SIGLEC8: variants seen among roughly 807,000 people sequenced by gnomAD.
SIGLEC8 encodes the protein sialic acid-binding Ig-like lectin 8.
SIGLEC8 carries 32 observed loss-of-function variants against 42.1 expected under a neutral mutation model. The ratio of observed to expected loss-of-function variants is 0.76; its 90% CI spans 0.57 to 1.02. The LOEUF (loss-of-function observed/expected upper bound fraction) is 1.02, where lower values mean the gene tolerates loss of function less well. Ranked by LOEUF, SIGLEC8 falls within the 50% of genes least tolerant of loss-of-function variation. The pLI is 0.00. For synonymous variants in SIGLEC8, 262 were observed against 260.3 expected, an observed-to-expected ratio of 1.01 and a Z score of -0.06; for missense variants, 611 against 610.2, an observed-to-expected ratio of 1.00 and a Z score of -0.01.
chr19:51,455,427 C>T lies in SIGLEC8; in HGVS notation c.1042G>A (p.Glu348Lys), dbSNP rs763790688. 1.2e-6 allele frequency: 2 copies of T among 1,613,764 alleles called. No homozygotes were observed. Among genetic ancestry groups the T allele is most frequent in the African/African-American group, 2.7e-5 (2 of 74,920 alleles). The change falls in exon 4 of 7, where the codon GAG becomes AAG. Residue 348 changes from glutamate to lysine, a missense_variant. Physicochemically the swap from Glu to Lys is moderately conservative, Grantham distance 56 (BLOSUM62 1). Coordinates refer to ENST00000321424, the MANE Select transcript of SIGLEC8 (RefSeq NM_014442.3). ...CCCCTCCCTTACCCACCTGTGCCCT[C>T]ATTCTGCAGGGAGAGGCTCAGGGAA... is the stretch of plus-strand genomic sequence containing the variant. ...HISLSLSLQN[E>K]GTGTSRPVSQ...
At chr19:51,456,061 A>C (rs1481775530) in intron 3 of SIGLEC8, among the ~76,000 whole-genome samples, 2 of 122,510 alleles carry the variant, frequency 1.6e-5, no homozygotes, top group Non-Finnish European at 3.3e-5. Flanking sequence ...AACATCACAC[A>C]CCGGGGACTG....
At position 51,458,085 on chromosome 19, in the gene SIGLEC8, G is replaced by A. The variant is rs999599851; in HGVS notation, c.303C>T (p.Asp101=). The change falls in exon 1 of 7, where the codon GAC becomes GAT. Residue 101 remains aspartate (D), a synonymous_variant. Transcript: ENST00000321424. ...TCAGGGAGCAGTCGTTGCTCCAAAT[G>A]TCCCCAAGGAGTTGGAATCGGCCCT... The part of the protein sequence containing the change: ...ETQGRFQLLG[D]IWSNDCSLSI... 3 of 1,614,140 alleles carry A rather than the reference G, an allele frequency of 1.9e-6. No individual in the cohort carries two copies. The highest frequency in any genetic ancestry group is 2.5e-6 in the Non-Finnish European group (3 of 1,180,016).
rs777902631 is a variant in SIGLEC8, at chr19:51,454,819, C to T, written c.1052-39G>A. 39 of 1,491,382 alleles carry T rather than the reference C, an allele frequency of 2.6e-5. No homozygotes were observed. Among genetic ancestry groups the T allele is most frequent in the South Asian group, 1.1e-4 (10 of 88,692 alleles). 92.4% of individuals were successfully genotyped at this position (1,491,382 alleles called of 1,614,324 possible). A position where few individuals can be genotyped will look rare whatever the true frequency, so the allele number is the denominator to read the frequency against. ...GGAGTTGCTTTGGGGATTTATATCACGGAGAAGTGGGTCTCTTCCCCTCCC... is the reference window on the plus strand; with the variant it reads ...GGAGTTGCTTTGGGGATTTATATCATGGAGAAGTGGGTCTCTTCCCCTCCC... On this transcript the variant is annotated intron_variant, in intron 4 of 6. Transcript: ENST00000321424. The surrounding 1 kb of genome is among the most constrained non-coding windows in gnomAD (Gnocchi z 4.7).
rs1481646465 is a variant in SIGLEC8, at chr19:51,458,134, T to C, written c.254A>G (p.Asp85Gly). 1.2e-6 allele frequency: 2 copies of C among 1,614,148 alleles called. No individual in the cohort carries two copies. The highest frequency in any genetic ancestry group is 2.7e-5 in the African/African-American group (2 of 75,016). The change falls in exon 1 of 7, where the codon GAC becomes GGC. Residue 85 changes from aspartate (D) to glycine (G), a missense_variant. By Grantham distance (94) the Asp-to-Gly change is moderately conservative. Coordinates refer to ENST00000321424, the MANE Select transcript of SIGLEC8 (RefSeq NM_014442.3). Reference sequence around the variant, plus strand: ...CTGGGTCTCTGCCTGCACTTCTCTGTCTGGGTTGTTTGTGGCCACTGGAGC... The same window carrying C: ...CTGGGTCTCTGCCTGCACTTCTCTGCCTGGGTTGTTTGTGGCCACTGGAGC... ...QDAPVATNNPDREVQAETQGR... is the reference protein window; with the variant it reads ...QDAPVATNNPGREVQAETQGR...
In SIGLEC8 at chr19:51,458,335, T is replaced by C. The variant is rs1342398748; in HGVS notation, c.53A>G (p.Glu18Gly). ...LPLLWGTKGM[E>G]GDRQYGDGYL... ...ACCATCCCCATATTGTCTGTCTCCC[T>C]CCATCCCCTTTGTCCCCCAGAGCAG... Residue 18 changes from glutamate to glycine, a missense_variant, in exon 1 of 7, where the codon GAG (glutamate) becomes GGG (glycine). Glu to Gly is a moderately conservative substitution (Grantham distance 98). Transcript: ENST00000321424. 2 of 1,614,000 alleles carry C rather than the reference T, an allele frequency of 1.2e-6. No individual in the cohort carries two copies. The highest frequency in any genetic ancestry group is 3.3e-5 in the Admixed American group (2 of 60,022).
chr19:51,458,079 C>A lies in SIGLEC8; in HGVS notation c.309G>T (p.Trp103Cys), dbSNP rs1217862167. The change falls in exon 1 of 7, where the codon TGG becomes TGT. Residue 103 changes from tryptophan (W) to cysteine (C), a missense_variant. Trp to Cys is a radical substitution (Grantham distance 215). Coordinates refer to ENST00000321424, the MANE Select transcript of SIGLEC8 (RefSeq NM_014442.3). ...TGATGCTCAGGGAGCAGTCGTTGCTCCAAATGTCCCCAAGGAGTTGGAATC... is the reference window on the plus strand; with the variant it reads ...TGATGCTCAGGGAGCAGTCGTTGCTACAAATGTCCCCAAGGAGTTGGAATC... ...QGRFQLLGDI[W>C]SNDCSLSIRD... is the part of the protein sequence containing the mutation. 1.2e-6 allele frequency: 2 copies of A among 1,614,184 alleles called. No individual in the cohort carries two copies. The highest frequency in any genetic ancestry group is 2.7e-5 in the African/African-American group (2 of 75,040).
rs1159938186 is a variant in SIGLEC8 at position 51,454,589 on chromosome 19, A to ACCCATCCAGGTCCTTCCAGCTCTGGC, written c.1148+69_1148+94dup. The ACCCATCCAGGTCCTTCCAGCTCTGGC allele has an allele frequency of 3.4e-6, 4 of 1,182,160 alleles. No homozygotes were observed. The highest frequency in any genetic ancestry group is 5.0e-6 in the Non-Finnish European group (4 of 797,088). The allele number at this position is 1,182,160 out of a possible 1,614,324, so 73.2% of individuals were successfully genotyped here. ...AGCTCATTCTTGCCCCAAGCCCTGG[A>ACCCATCCAGGTCCTTCCAGCTCTGGC]CCCATCCAGGTCCTTCCAGCTCTGG... On this transcript the variant is annotated intron_variant, in intron 5 of 6. Transcript: ENST00000321424. The surrounding 1 kb of genome is among the most constrained non-coding windows in gnomAD (Gnocchi z 4.7).
At chr19:51,456,731 G>A (rs1024756200) in intron 3 of SIGLEC8, among the ~76,000 whole-genome samples, 1 of 152,216 alleles carries the variant, frequency 6.6e-6, no homozygotes, top group Non-Finnish European at 1.5e-5. Context: ...GATGGGCACT[G>A]GAGGACAGAC....
chr19:51,456,545 T>C (rs1034303287), intron 3 of SIGLEC8, among the ~76,000 whole-genome samples: 1 of 152,214 alleles, frequency 6.6e-6, no homozygotes, highest in Non-Finnish European at 1.5e-5. Context: ...TGTGCCATGA[T>C]TTTCCTTAAG....
In SIGLEC8 at chr19:51,451,736, A is replaced by G. The variant is rs1284023505; in HGVS notation, c.*643T>C. 1 of 152,242 alleles carries G rather than the reference A, an allele frequency of 6.6e-6. No homozygotes were observed. The highest frequency in any genetic ancestry group is 2.4e-5 in the African/African-American group (1 of 41,464). 9.4% of individuals were successfully genotyped at this position (152,242 alleles called of 1,614,324 possible). The stretch of plus-strand genomic sequence containing the variant: ...TTTATCTGTTTTTGTGAGACCATTT[A>G]AAATCTTCTTTTAGCTCCTTGAAAA... On this transcript the variant is annotated 3_prime_UTR_variant, in exon 7 of 7. Coordinates refer to ENST00000321424, the MANE Select transcript of SIGLEC8 (RefSeq NM_014442.3).
At position 51,458,142 on chromosome 19, in the gene SIGLEC8, G is replaced by C. The variant is rs1173483072; in HGVS notation, c.246C>G (p.Asn82Lys). Residue 82 changes from asparagine to lysine, a missense_variant, in exon 1 of 7, where the codon AAC becomes AAG. Physicochemically the swap from Asn to Lys is moderately conservative, Grantham distance 94. Coordinates refer to ENST00000321424, the MANE Select transcript of SIGLEC8 (RefSeq NM_014442.3). Reference protein sequence around the residue: ...RPYQDAPVATNNPDREVQAET... With the variant: ...RPYQDAPVATKNPDREVQAET... Reference sequence around the variant, plus strand: ...CTGCCTGCACTTCTCTGTCTGGGTTGTTTGTGGCCACTGGAGCGTCTTGGT... The same window carrying C: ...CTGCCTGCACTTCTCTGTCTGGGTTCTTTGTGGCCACTGGAGCGTCTTGGT... 6.2e-7 allele frequency: 1 copy of C among 1,614,166 alleles called. No homozygotes were observed. The highest frequency in any genetic ancestry group is 2.2e-5 in the East Asian group (1 of 44,876).
chr19:51,452,458 T>C lies in SIGLEC8; in HGVS notation c.1421A>G (p.Lys474Arg), dbSNP rs1989387182. Residue 474 changes from lysine to arginine, a missense_variant, in exon 7 of 7, where the codon AAG becomes AGG. Lys to Arg is a conservative substitution (Grantham distance 26). Transcript: ENST00000321424. The stretch of plus-strand genomic sequence containing the variant: ...CTCTGCAGTTTCTCGCTTGTGGATC[T>C]TGATCTCCGAGTATTCACTGTCAGT... Reference protein sequence around the residue: ...EATDSEYSEIKIHKRETAETQ... With the variant: ...EATDSEYSEIRIHKRETAETQ... 1.2e-6 allele frequency: 2 copies of C among 1,612,952 alleles called. No homozygotes were observed. The highest frequency in any genetic ancestry group is 1.7e-6 in the Non-Finnish European group (2 of 1,178,994).
rs1038973433 is a variant in SIGLEC8, at chr19:51,452,139, A to G, written c.*240T>C. ...ACCTAGGGGATATTTTTTTGTGTAA[A>G]ATGAGCCACACACAGAGAGGCAAGT... is the stretch of plus-strand genomic sequence containing the variant. On this transcript the variant is annotated 3_prime_UTR_variant, in exon 7 of 7. Coordinates refer to ENST00000321424, the MANE Select transcript of SIGLEC8 (RefSeq NM_014442.3). 5.2e-6 allele frequency: 2 copies of G among 384,370 alleles called. No homozygotes were observed. The highest frequency in any genetic ancestry group is 4.1e-5 in the African/African-American group (2 of 48,658). The allele number at this position is 384,370 out of a possible 1,614,324, so 23.8% of individuals were successfully genotyped here.
chr19:51,455,162 G>A (rs757378531), intron 4 of SIGLEC8, among the ~76,000 whole-genome samples: 11 of 152,176 alleles, frequency 7.2e-5, no homozygotes, highest in Non-Finnish European at 1.3e-4. Context: ...GCACTGCAAA[G>A]CAAGGCGCTT....
rs202029527 is a variant in SIGLEC8, at chr19:51,453,095, G to GT, written c.1246-463_1246-462insA. On this transcript the variant is annotated intron_variant, in intron 6 of 6. Coordinates refer to ENST00000321424, the MANE Select transcript of SIGLEC8 (RefSeq NM_014442.3). The stretch of plus-strand genomic sequence containing the variant: ...TTTGTTTTGTTTTGTTTTGTTTTTT[G>GT]GTTTTTTTTTTGAGACAGAGTCTGG... Among the ~76,000 whole-genome samples the GT allele has an allele frequency of 0.028, 4,213 of 148,972 alleles. 350 individuals are homozygous for GT. The East Asian group carries it at 0.35, about 13-fold the overall frequency.
rs905043707 is a variant in SIGLEC8 at position 51,454,149 on chromosome 19, G to A, written c.1245+70C>T. ...TGACTTTGGCCATACCAAAGAGAGCGATCCTGGGGGCCATCCTGTCAGAGG... is the reference window on the plus strand; with the variant it reads ...TGACTTTGGCCATACCAAAGAGAGCAATCCTGGGGGCCATCCTGTCAGAGG... On this transcript the variant is annotated intron_variant, in intron 6 of 6. Transcript: ENST00000321424. This position sits in a 1 kb window ranked among gnomAD's most constrained non-coding sequence, Gnocchi z 4.7. The A allele has an allele frequency of 1.6e-5, 25 of 1,601,588 alleles. No individual in the cohort carries two copies. The East Asian group carries it at 1.6e-4, about 10-fold the overall frequency.
intron 2 of SIGLEC8, 73 bp from the exon 3 acceptor site, chr19:51,457,304 G>T: frequency 6.6e-7 from 1 of 1,524,026 alleles, no homozygotes; most frequent in Non-Finnish European, 9.0e-7. Context: ...CCCAGGAGCT[G>T]CAAATACAGG....
At position 51,457,662 on chromosome 19, in the gene SIGLEC8, G is replaced by A; in HGVS notation, c.532C>T (p.Pro178Ser). The change falls in exon 2 of 7, where the codon CCC becomes TCC. Residue 178 changes from proline to serine, a missense_variant. Transcript: ENST00000321424. ...GHSRNLTCSV[P>S]WACKQGTPPM... ...GGTGTCCCCTGCTTACAGGCCCAGG[G>A]CACAGAGCAGGTCAGGTTCCTGGAG... is the stretch of plus-strand genomic sequence containing the variant. 6.2e-7 allele frequency: 1 copy of A among 1,610,532 alleles called. No individual in the cohort carries two copies. Among genetic ancestry groups the A allele is most frequent in the Non-Finnish European group, 8.5e-7 (1 of 1,178,162 alleles).
rs765552831 is a variant in SIGLEC8 at position 51,455,650 on chromosome 19, G to A, written c.819C>T (p.Val273=). ...CCAGGCGCAGAGACTGGCCCTCAAG[G>A]ACTGAAAGAGATGAGCCATTTCCCA... ...TALGNGSSLS[V]LEGQSLRLVC... The change falls in exon 4 of 7, where the codon GTC becomes GTT. Residue 273 remains valine (V), a synonymous_variant. Coordinates refer to ENST00000321424, the MANE Select transcript of SIGLEC8 (RefSeq NM_014442.3). 3 of 1,613,948 alleles carry A rather than the reference G, an allele frequency of 1.9e-6. No individual in the cohort carries two copies. In the Admixed American group the frequency reaches 5.0e-5, roughly 27 times the overall value.
Sources: gnomAD v4.1 joint callset for allele counts (sites outside exome capture counted in the v4.1 genomes callset) on GRCh38, gnomAD v4.1.1 for gene constraint, Gnocchi (gnomAD v3.1) non-coding constraint, MANE v1.5 for transcripts, NCBI Gene and HGNC (gene_info 2026-07-23, HGNC 2026-07-21) for gene names.